Variants in SMARCA4 observed in about 807,000 individuals in gnomAD.
SMARCA4 encodes the protein SWI/SNF-related matrix-associated actin-dependent regulator of chromatin subfamily A member 4.
SMARCA4 carries 31 observed loss-of-function variants against 193.9 expected under a neutral mutation model. The ratio of observed to expected loss-of-function variants is 0.16; its 90% CI spans 0.12 to 0.22. The LOEUF (loss-of-function observed/expected upper bound fraction) is 0.22, where lower values mean the gene tolerates loss of function less well. SMARCA4 is among the 10% of genes least tolerant of loss of function. SMARCA4 has a pLI of 1.00. For missense variants in SMARCA4, 1,148 were observed against 2,296.0 expected (o/e 0.50, Z 10.22); for synonymous variants, 942 against 933.1 (o/e 1.01, Z -0.17).
chr19:10,990,425 T>C (rs1385956123), intron 7 of SMARCA4, among the ~76,000 whole-genome samples: 3 of 152,110 alleles, frequency 2.0e-5, no homozygotes, highest in Non-Finnish European at 1.5e-5. Context: ...ATTACAGGCA[T>C]GTGCCCCACG....
At chr19:11,049,922 C>T (rs2146961333) in intron 30 of SMARCA4, among the ~76,000 whole-genome samples, 1 of 152,252 alleles carries the variant, frequency 6.6e-6, no homozygotes, top group Middle Eastern at 3.4e-3. Context: ...GCCAACGTGG[C>T]AAAAACCCCG....
intron 34 of SMARCA4, chr19:11,060,411 G>A (rs777724831): frequency 2.7e-4 from 166 of 622,334 alleles, no homozygotes; most frequent in South Asian, 5.2e-4. Context: ...CTCAGTACCC[G>A]TGGGTGTCTG....
At position 11,030,857 on chromosome 19, in the gene SMARCA4, T is replaced by C. The variant is rs768162334; in HGVS notation, c.3510T>C (p.Thr1170=). 3.7e-6 allele frequency: 6 copies of C among 1,610,348 alleles called. No homozygotes were observed. Among genetic ancestry groups the C allele is most frequent in the South Asian group, 2.2e-5 (2 of 90,388 alleles). The change falls in exon 25 of 35, where the codon ACT becomes ACC. Residue 1170 remains threonine (T), a synonymous_variant. Coordinates refer to ENST00000344626, the MANE Select transcript of SMARCA4 (RefSeq NM_003072.5). This position sits in a 1 kb window ranked among gnomAD's most constrained non-coding sequence, Gnocchi z 5.5. ...GLGLNLQSAD[T]VIIFDSDWNP... ...GCCTGAACCTCCAGTCGGCAGACAC[T>C]GTGATCATTTTTGACAGCGACTGGA...
Position 10,992,048 on chromosome 19 carries a change from ATAAT to A in SMARCA4, c.1419+730_1419+733del, listed in dbSNP as rs557672502. 1.6e-3 allele frequency among the ~76,000 whole-genome samples: 246 copies of A among 152,212 alleles called. 1 individual carries two copies. The Middle Eastern group carries it at 0.017, about 11-fold the overall frequency. On this transcript the variant is annotated intron_variant, in intron 8 of 34. Coordinates refer to ENST00000344626, the MANE Select transcript of SMARCA4 (RefSeq NM_003072.5). ...TTTATAGATTTTCTAGAGATTTTCT[ATAAT>A]TAATATCTTATTGGTGTAGTGTAAA...
rs182514124 is a variant in SMARCA4, at chr19:10,985,181, G to C, written c.223-92G>C. Reference sequence around the variant, plus strand: ...GCGTCATCTTCGGGTGGCTGTTCTCGGTGCCCTCGAGCTTCTCTCGGGCAG... The same window carrying C: ...GCGTCATCTTCGGGTGGCTGTTCTCCGTGCCCTCGAGCTTCTCTCGGGCAG... On this transcript the variant is annotated intron_variant, in intron 2 of 34. Transcript: ENST00000344626. This position sits in a 1 kb window ranked among gnomAD's most constrained non-coding sequence, Gnocchi z 4.5. 1.4e-6 allele frequency: 2 copies of C among 1,385,200 alleles called. No homozygotes were observed. Among genetic ancestry groups the C allele is most frequent in the East Asian group, 2.3e-5 (1 of 43,700 alleles). The allele number at this position is 1,385,200 out of a possible 1,614,324, so 85.8% of individuals were successfully genotyped here. A position where few individuals can be genotyped will look rare whatever the true frequency, so the allele number is the denominator to read the frequency against.
Position 10,984,514 on chromosome 19 carries a change from C to T in SMARCA4, c.222+141C>T. On this transcript the variant is annotated intron_variant, in intron 2 of 34. Coordinates refer to ENST00000344626, the MANE Select transcript of SMARCA4 (RefSeq NM_003072.5). The surrounding 1 kb of genome is among the most constrained non-coding windows in gnomAD (Gnocchi z 4.3). ...TCCTGCCTTGGCTCAGCCCCCTACCCCAGGGCCCACGGCCATGAACAGAAG... is the reference window on the plus strand; with the variant it reads ...TCCTGCCTTGGCTCAGCCCCCTACCTCAGGGCCCACGGCCATGAACAGAAG... 7.0e-7 allele frequency: 1 copy of T among 1,424,558 alleles called. No individual in the cohort carries two copies. The highest frequency in any genetic ancestry group is 1.4e-5 in the African/African-American group (1 of 70,842). The allele number at this position is 1,424,558 out of a possible 1,614,324, so 88.2% of individuals were successfully genotyped here.
At position 11,019,627 on chromosome 19, in the gene SMARCA4, C is replaced by A; in HGVS notation, c.2542C>A (p.Leu848Ile). The change falls in exon 18 of 35, where the codon CTC (leucine) becomes ATC (isoleucine). Residue 848 changes from leucine to isoleucine, a missense_variant. Around this residue, in one of 17 missense-constraint regions of SMARCA4, gnomAD observed 54 missense variants for 123.3 expected, o/e 0.44. Transcript: ENST00000344626. This position sits in a 1 kb window ranked among gnomAD's most constrained non-coding sequence, Gnocchi z 6.1. ...AGCAAGACGGGCCTTTGTCCCCCAGCTCCGGAGTGGGAAGTTCAACGTCTT... is the reference window on the plus strand; with the variant it reads ...AGCAAGACGGGCCTTTGTCCCCCAGATCCGGAGTGGGAAGTTCAACGTCTT... ...PAARRAFVPQLRSGKFNVLLT... is the reference protein window; with the variant it reads ...PAARRAFVPQIRSGKFNVLLT... The A allele has an allele frequency of 6.2e-7, 1 of 1,613,240 alleles. No individual in the cohort carries two copies.
At chr19:11,017,154 G>T (rs548125651) in intron 16 of SMARCA4, among the ~76,000 whole-genome samples, 1 of 152,354 alleles carries the variant, frequency 6.6e-6, no homozygotes, top group African/African-American at 2.4e-5. Context: ...GCGGCTCTGA[G>T]TGAGGACCAC....
intron 34 of SMARCA4, 142 bp downstream of exon 34, chr19:11,060,329 C>G: frequency 9.6e-7 from 1 of 1,040,862 alleles, no homozygotes. Context: ...CCATGGCTGA[C>G]CCCAGGTCAC....
At chr19:10,992,167 A>G (rs370051996) in intron 8 of SMARCA4, among the ~76,000 whole-genome samples, 1 of 148,486 alleles carries the variant, frequency 6.7e-6, no homozygotes, top group Non-Finnish European at 1.5e-5. Context: ...GCTGGAGTGC[A>G]GTGGTGCAAT....
chr19:10,970,505 C>T lies in SMARCA4; in HGVS notation c.-32+9331C>T, dbSNP rs571483135. ...TACAGTCATAGCTCACTGCAGTGTC[C>T]AGCTCCTGGGCTCATGTCATGCTCC... On this transcript the variant is annotated intron_variant, in intron 1 of 34. Coordinates refer to ENST00000344626, the MANE Select transcript of SMARCA4 (RefSeq NM_003072.5). Among the ~76,000 whole-genome samples the T allele has an allele frequency of 2.3e-4, 35 of 152,290 alleles. No homozygotes were observed. The South Asian group carries it at 6.6e-3, about 29-fold the overall frequency.
In SMARCA4 at chr19:10,985,178, C is replaced by T. The variant is rs2145743544; in HGVS notation, c.223-95C>T. 2.2e-6 allele frequency: 3 copies of T among 1,354,764 alleles called. No individual in the cohort carries two copies. The allele number at this position is 1,354,764 out of a possible 1,614,324, so 83.9% of individuals were successfully genotyped here. A position where few individuals can be genotyped will look rare whatever the true frequency, so the allele number is the denominator to read the frequency against. ...TGCGCGTCATCTTCGGGTGGCTGTT[C>T]TCGGTGCCCTCGAGCTTCTCTCGGG... On this transcript the variant is annotated intron_variant, in intron 2 of 34. Coordinates refer to ENST00000344626, the MANE Select transcript of SMARCA4 (RefSeq NM_003072.5). This position sits in a 1 kb window ranked among gnomAD's most constrained non-coding sequence, Gnocchi z 4.5.
rs1172982202 is a variant in SMARCA4, at chr19:10,984,288, G to A, written c.137G>A (p.Ser46Asn). Residue 46 changes from serine to asparagine, a missense_variant, in exon 2 of 35, where the codon AGC becomes AAC. Transcript: ENST00000344626. The surrounding 1 kb of genome is among the most constrained non-coding windows in gnomAD (Gnocchi z 4.3). ...PGSAHSMMGP[S>N]PGPPSAGHPI... ...TCCGCCCACAGCATGATGGGGCCCA[G>A]CCCAGGGCCGCCCTCAGCAGGACAC... 1 of 1,608,588 alleles carries A rather than the reference G, an allele frequency of 6.2e-7. No homozygotes were observed. The highest frequency in any genetic ancestry group is 1.1e-5 in the South Asian group (1 of 90,258).
chr19:10,964,827 G>C (rs1204525911), intron 1 of SMARCA4, among the ~76,000 whole-genome samples: 3 of 151,946 alleles, frequency 2.0e-5, no homozygotes, highest in Non-Finnish European at 2.9e-5. Context: ...ATGTTGGCCA[G>C]AACTCCTGGT....
Position 11,019,816 on chromosome 19 carries a change from T to C in SMARCA4, c.2616+115T>C. 1 of 769,236 alleles carries C rather than the reference T, an allele frequency of 1.3e-6. No individual in the cohort carries two copies. The allele number at this position is 769,236 out of a possible 1,614,324, so 47.7% of individuals were successfully genotyped here. ...TTCTTCCCGGAGTCCCACCTGCATG[T>C]GCGTGAAGACAGCTGCCCTGTGTAG... On this transcript the variant is annotated intron_variant, in intron 18 of 34. Coordinates refer to ENST00000344626, the MANE Select transcript of SMARCA4 (RefSeq NM_003072.5). The surrounding 1 kb of genome is among the most constrained non-coding windows in gnomAD (Gnocchi z 6.1).
At chr19:11,040,773 C>T (rs1321146906) in intron 29 of SMARCA4, 1 of 152,126 alleles carries the variant, frequency 6.6e-6, no homozygotes, top group African/African-American at 2.4e-5. Flanking sequence ...TTTTAATTAG[C>T]TGAGTGTGGT....
chr19:11,035,949 C>T (rs756735584), intron 29 of SMARCA4, among the ~76,000 whole-genome samples: 88 of 152,332 alleles, frequency 5.8e-4, no homozygotes, highest in Middle Eastern at 3.4e-3. Flanking sequence ...GCAATAATTC[C>T]GAGAAGGCAG....
At position 11,041,216 on chromosome 19, in the gene SMARCA4, G is replaced by A. The variant is rs189720925; in HGVS notation, c.4171-91G>A. On this transcript the variant is annotated intron_variant, in intron 29 of 34. Coordinates refer to ENST00000344626, the MANE Select transcript of SMARCA4 (RefSeq NM_003072.5). This position sits in a 1 kb window ranked among gnomAD's most constrained non-coding sequence, Gnocchi z 5.6. ...AGAGCGGGTGCGGGGGCCCTCCTCC[G>A]TGTCCCAGCCCGGCCCCTGGGATTG... 4.1e-4 allele frequency: 581 copies of A among 1,411,838 alleles called. No homozygotes were observed. The African/African-American group carries it at 6.3e-3, about 15-fold the overall frequency. 87.5% of individuals were successfully genotyped at this position (1,411,838 alleles called of 1,614,324 possible).
At chr19:10,995,968 C>T (rs1179671255) in intron 9 of SMARCA4, 6 of 590,738 alleles carry the variant, frequency 1.0e-5, no homozygotes, top group Non-Finnish European at 1.9e-5. Context: ...AGGACTGGCT[C>T]ATGGCCTCTG....
Sources: gnomAD v4.1 joint callset for allele counts (sites outside exome capture counted in the v4.1 genomes callset) on GRCh38, gnomAD v4.1.1 for gene constraint, gnomAD v4.1.1 regional missense constraint, Gnocchi (gnomAD v3.1) non-coding constraint, MANE v1.5 for transcripts, NCBI Gene and HGNC (gene_info 2026-07-23, HGNC 2026-07-21) for gene names.